USP8: variants seen among roughly 807,000 people sequenced by gnomAD.
USP8 encodes the protein ubiquitin specific peptidase 8, also known as ubiquitin carboxyl-terminal hydrolase 8.
Under a neutral mutation model 130.0 loss-of-function variants are expected in USP8, and 27 were observed. The observed-to-expected ratio is 0.21, with a 90% confidence interval of 0.15 to 0.29. The LOEUF (loss-of-function observed/expected upper bound fraction) is 0.29, where lower values mean the gene tolerates loss of function less well. Among genes scored for constraint, USP8 ranks in the 10% least tolerant of loss-of-function variants. The pLI, the probability that USP8 is intolerant of heterozygous loss-of-function variation, is 1.00. For missense variants in USP8, 1,029 were observed against 1,312.2 expected, an observed-to-expected ratio of 0.78 and a Z score of 3.33; for synonymous variants, 392 against 444.1, an observed-to-expected ratio of 0.88 and a Z score of 1.48.
At chr15:50,479,382 C>T (rs11630309) in intron 10 of USP8, among the ~76,000 whole-genome samples, 20,803 of 152,182 alleles carry the variant, frequency 0.14, 1,944 homozygotes, top group Middle Eastern at 0.27. Flanking sequence ...GCGCTAGTCT[C>T]TGTTGGAGAG....
rs2052693113 is a variant in USP8, at chr15:50,508,427, T to C, written c.*9339T>C. On this transcript the variant is annotated 3_prime_UTR_variant, in exon 20 of 20. Transcript: ENST00000307179. ...ATGGATGCATGGCGGTTTGTTATGC[T>C]GTCCAATTTTGTATATGTTTGAAAT... is the stretch of plus-strand genomic sequence containing the variant. 1 of 152,220 alleles carries C rather than the reference T, an allele frequency of 6.6e-6. No individual in the cohort carries two copies. The allele number at this position is 152,220 out of a possible 1,614,324, so 9.4% of individuals were successfully genotyped here. A position where few individuals can be genotyped will look rare whatever the true frequency, so the allele number is the denominator to read the frequency against.
chr15:50,433,234 C>CAAA (rs200637747), intron 1 of USP8, among the ~76,000 whole-genome samples: 2 of 135,136 alleles, frequency 1.5e-5, no homozygotes, highest in Non-Finnish European at 1.6e-5. Context: ...ACTCCGTCTC[C>CAAA]AAAAAAAAAA....
At chr15:50,458,890 A>T in intron 4 of USP8, 110 bp from the exon 5 acceptor site, 1 of 1,291,280 alleles carries the variant, frequency 7.7e-7, no homozygotes, top group Non-Finnish European at 1.1e-6. Flanking sequence ...GAGAAAGCAT[A>T]TAGCCATGAA....
At chr15:50,462,402 A>G in intron 6 of USP8, 80 bp downstream of exon 6, 3 of 1,267,266 alleles carry the variant, frequency 2.4e-6, no homozygotes, top group Non-Finnish European at 3.3e-6. Flanking sequence ...GGTTTTATAC[A>G]ATGAGATTCT....
At chr15:50,493,037 A>G in intron 15 of USP8, 124 bp downstream of exon 15, 1 of 1,030,602 alleles carries the variant, frequency 9.7e-7, no homozygotes, top group Non-Finnish European at 1.5e-6. Flanking sequence ...ATTTGTAAAG[A>G]ACAAAAATTT....
chr15:50,489,037 C>T (rs2052065580), intron 12 of USP8, among the ~76,000 whole-genome samples: 1 of 152,146 alleles, frequency 6.6e-6, no homozygotes, highest in Admixed American at 6.5e-5. Flanking sequence ...TATCTTAAGA[C>T]ATGAAGAATA....
At chr15:50,470,332 G>C (rs770546228) in intron 7 of USP8, among the ~76,000 whole-genome samples, 1 of 152,298 alleles carries the variant, frequency 6.6e-6, no homozygotes. Context: ...TCATGTGTGC[G>C]TGTGCATGTG....
Position 50,500,949 on chromosome 15 carries a change from A to C in USP8, c.*1861A>C, listed in dbSNP as rs942336635. 18 of 906,866 alleles carry C rather than the reference A, an allele frequency of 2.0e-5. No homozygotes were observed. The highest frequency in any genetic ancestry group is 3.1e-5 in the Non-Finnish European group (18 of 580,678). The allele number at this position is 906,866 out of a possible 1,614,324, so 56.2% of individuals were successfully genotyped here. ...TAAATTGTCCCTTATTCTAAATTAA[A>C]AGGAAGTGATAATTTTGTTGTTAAA... On this transcript the variant is annotated 3_prime_UTR_variant, in exon 20 of 20. Transcript: ENST00000307179.
At chr15:50,451,987 G>A (rs2050641815) in intron 4 of USP8, among the ~76,000 whole-genome samples, 1 of 152,242 alleles carries the variant, frequency 6.6e-6, no homozygotes, top group Non-Finnish European at 1.5e-5. Context: ...GGAGGCGTGT[G>A]TGCCGAGTGG....
intron 7 of USP8, among the ~76,000 whole-genome samples, chr15:50,471,140 A>G (rs139861010): frequency 1.2e-3 from 181 of 152,344 alleles, no homozygotes; most frequent in Non-Finnish European, 2.0e-3. Context: ...TGAAGACTCA[A>G]TGAGTTCAAT....
chr15:50,496,369 T>C (rs973058997), intron 17 of USP8, among the ~76,000 whole-genome samples: 4 of 151,418 alleles, frequency 2.6e-5, no homozygotes, highest in African/African-American at 7.3e-5. Flanking sequence ...TAGTCCCCGC[T>C]ACTCAGGAGG....
At chr15:50,459,834 A>C (rs1423884483) in intron 5 of USP8, among the ~76,000 whole-genome samples, 3 of 152,058 alleles carry the variant, frequency 2.0e-5, no homozygotes, top group African/African-American at 7.2e-5. Flanking sequence ...ATAGTCTTGA[A>C]ATAGACAATT....
chr15:50,472,544 C>T (rs112451260), intron 8 of USP8, among the ~76,000 whole-genome samples: 2,172 of 146,944 alleles, frequency 0.015, 61 homozygotes, highest in African/African-American at 0.051. Flanking sequence ...TTGCAGTGAG[C>T]AGAGATCGCA....
intron 14 of USP8, among the ~76,000 whole-genome samples, chr15:50,491,934 T>A (rs2052185772): frequency 6.6e-6 from 1 of 152,136 alleles, no homozygotes; most frequent in Non-Finnish European, 1.5e-5. Flanking sequence ...TGGCATGATC[T>A]CAGTTCACTG....
chr15:50,455,349 A>G lies in USP8; in HGVS notation c.336-3651A>G, dbSNP rs144943677. Among the ~76,000 whole-genome samples, 50 of 150,920 alleles carry G rather than the reference A, an allele frequency of 3.3e-4. 4 individuals are homozygous for G. In the East Asian group the frequency reaches 5.8e-3, roughly 18 times the overall value. The stretch of plus-strand genomic sequence containing the variant: ...TACCAGGGCCTCCCAAAGAGTTAGG[A>G]TTATAGGCATGAGCCACTGCGCCCA... On this transcript the variant is annotated intron_variant, in intron 4 of 19. Transcript: ENST00000307179.
chr15:50,442,046 G>A (rs966129961), intron 3 of USP8, among the ~76,000 whole-genome samples: 3 of 145,084 alleles, frequency 2.1e-5, no homozygotes, highest in South Asian at 2.1e-4. Flanking sequence ...GCGTGATATC[G>A]GCTCACTGCA....
rs1214691328 is a variant in USP8 at position 50,511,923 on chromosome 15, G to A, written c.*12835G>A. On this transcript the variant is annotated 3_prime_UTR_variant, in exon 20 of 20. Coordinates refer to ENST00000307179, the MANE Select transcript of USP8 (RefSeq NM_005154.5). Reference sequence around the variant, plus strand: ...GGAGGAGGGAAGATCACTTGAGCCAGGGAGGTTGAGGCTGCAGTGAGCTGA... The same window carrying A: ...GGAGGAGGGAAGATCACTTGAGCCAAGGAGGTTGAGGCTGCAGTGAGCTGA... 1.3e-5 allele frequency: 2 copies of A among 152,278 alleles called. No homozygotes were observed. Among genetic ancestry groups the A allele is most frequent in the African/African-American group, 2.4e-5 (1 of 41,460 alleles). The allele number at this position is 152,278 out of a possible 1,614,324, so 9.4% of individuals were successfully genotyped here. A position where few individuals can be genotyped will look rare whatever the true frequency, so the allele number is the denominator to read the frequency against.
chr15:50,472,723 C>G (rs1455038032), intron 8 of USP8, among the ~76,000 whole-genome samples: 1 of 152,156 alleles, frequency 6.6e-6, no homozygotes. Context: ...CCAGCTTGAC[C>G]AACATGCAGA....
At chr15:50,487,013 A>G in intron 12 of USP8, among the ~76,000 whole-genome samples, 1 of 151,956 alleles carries the variant, frequency 6.6e-6, no homozygotes, top group East Asian at 1.9e-4. Context: ...AGTCCCAGCT[A>G]CTTGGGAGGC....
Sources: allele counts gnomAD v4.1 joint callset (sites outside exome capture counted in the v4.1 genomes callset), GRCh38; gene constraint gnomAD v4.1.1; transcripts MANE v1.5; gene names NCBI Gene and HGNC (gene_info 2026-07-23, HGNC 2026-07-21).